Variants in LRP1B observed in about 807,000 individuals in gnomAD.
LRP1B encodes low-density lipoprotein receptor-related protein 1B.
In LRP1B, 217 loss-of-function variants were observed where a neutral mutation model predicts 556.6. The ratio of observed to expected loss-of-function variants is 0.39; its 90% CI spans 0.35 to 0.44. The LOEUF (loss-of-function observed/expected upper bound fraction) is 0.44. Among genes scored for constraint, LRP1B ranks in the 20% least tolerant of loss-of-function variants. LRP1B has a pLI of 1.00. For missense variants in LRP1B, 5,053 were observed against 5,620.8 expected (o/e 0.90, Z 3.23); for synonymous variants, 2,047 against 1,865.8 (o/e 1.10, Z -2.50).
intron 1 of LRP1B, among the ~76,000 whole-genome samples, chr2:141,987,150 C>T (rs1194897856): frequency 8.1e-5 from 3 of 37,064 alleles, no homozygotes; most frequent in African/African-American, 2.1e-4. Flanking sequence ...AAAGATAATA[C>T]ATTTTGGTTT....
chr2:140,389,854 G>A (rs527675484), intron 66 of LRP1B, among the ~76,000 whole-genome samples: 11 of 151,656 alleles, frequency 7.3e-5, no homozygotes, highest in Admixed American at 3.3e-4. Flanking sequence ...AAGGCTGGGC[G>A]TGGTGGTGGC....
chr2:141,926,161 T>C (rs1243573394), intron 1 of LRP1B, among the ~76,000 whole-genome samples: 2 of 152,168 alleles, frequency 1.3e-5, no homozygotes, highest in Non-Finnish European at 2.9e-5. Flanking sequence ...AGAAAATAAA[T>C]ACATGAAGAG....
At chr2:141,603,218 G>A (rs558497921) in intron 2 of LRP1B, among the ~76,000 whole-genome samples, 2 of 152,236 alleles carry the variant, frequency 1.3e-5, no homozygotes, top group East Asian at 1.9e-4. Flanking sequence ...CTTTCACATT[G>A]GAAGGCAAGA....
chr2:141,810,046 T>G (rs959638281), intron 2 of LRP1B, among the ~76,000 whole-genome samples: 3 of 147,616 alleles, frequency 2.0e-5, no homozygotes, highest in African/African-American at 5.0e-5. Flanking sequence ...TACTCATATT[T>G]AAAAAAAAAC....
intron 50 of LRP1B, among the ~76,000 whole-genome samples, chr2:140,515,649 A>G (rs933437926): frequency 3.3e-5 from 5 of 152,064 alleles, no homozygotes; most frequent in South Asian, 2.1e-4. Flanking sequence ...AACAGAGAAC[A>G]TTAGAAAACT....
At chr2:141,213,665 A>G (rs1046748143) in intron 6 of LRP1B, among the ~76,000 whole-genome samples, 1 of 152,168 alleles carries the variant, frequency 6.6e-6, no homozygotes, top group South Asian at 2.1e-4. Context: ...ATGACACCAC[A>G]TTATCTGAGG....
intron 3 of LRP1B, among the ~76,000 whole-genome samples, chr2:141,339,914 T>G (rs1285691556): frequency 6.6e-6 from 1 of 152,132 alleles, no homozygotes; most frequent in East Asian, 1.9e-4. Context: ...TAGGTAATTT[T>G]TCAGCTTTCA....
chr2:141,152,694 A>G (rs1701954400), intron 7 of LRP1B, among the ~76,000 whole-genome samples: 1 of 151,862 alleles, frequency 6.6e-6, no homozygotes, highest in Non-Finnish European at 1.5e-5. Flanking sequence ...AATAGCATAT[A>G]TTATTATATA....
intron 62 of LRP1B, among the ~76,000 whole-genome samples, chr2:140,454,010 A>G (rs1198738821): frequency 6.6e-6 from 1 of 152,226 alleles, no homozygotes; most frequent in Non-Finnish European, 1.5e-5. Flanking sequence ...TCCAAGAAGT[A>G]TACAAGAGAT....
At chr2:140,856,510 C>T (rs2105131679) in intron 27 of LRP1B, among the ~76,000 whole-genome samples, 1 of 152,196 alleles carries the variant, frequency 6.6e-6, no homozygotes, top group South Asian at 2.1e-4. Context: ...CTATTAAAGG[C>T]CAGATGGTAG....
At chr2:141,538,924 C>A (rs1395945996) in intron 2 of LRP1B, among the ~76,000 whole-genome samples, 1 of 152,182 alleles carries the variant, frequency 6.6e-6, no homozygotes, top group Non-Finnish European at 1.5e-5. Flanking sequence ...CAGGTGTGAG[C>A]CACTGTCCCT....
intron 2 of LRP1B, among the ~76,000 whole-genome samples, chr2:141,770,831 A>T (rs866584171): frequency 6.6e-6 from 1 of 152,162 alleles, no homozygotes; most frequent in South Asian, 2.1e-4. Context: ...TTGCCTGTTA[A>T]TAAGGTGGAC....
Position 141,013,636 on chromosome 2 carries a change from A to C in LRP1B, c.2300T>G (p.Ile767Arg). The change falls in exon 14 of 91, where the codon ATA becomes AGA. Residue 767 changes from isoleucine to arginine, a missense_variant. This residue lies in a region of LRP1B where 3,619 missense variants were observed against 3,931.9 expected (regional missense o/e 0.92). Coordinates refer to ENST00000389484, the MANE Select transcript of LRP1B (RefSeq NM_018557.3). ...CCTCAGCAATGTCACCTCACTTGTT[A>C]TCAAATCTAGTTGAAAAATGGAACC... ...MNGSIFQLDLITSEVTLLRHE... is the reference protein window; with the variant it reads ...MNGSIFQLDLRTSEVTLLRHE... 2.5e-6 allele frequency: 4 copies of C among 1,612,660 alleles called. No homozygotes were observed. The highest frequency in any genetic ancestry group is 2.2e-5 in the East Asian group (1 of 44,704).
rs899194277 is a variant in LRP1B, at chr2:141,314,967, C to T, written c.344-60326G>A. ...TCTTCAATAAATTTAAGCCTCTCCC[C>T]GCAAGAGCCTAAGAATTAAACATTA... is the stretch of plus-strand genomic sequence containing the variant. On this transcript the variant is annotated intron_variant, in intron 3 of 90. Coordinates refer to ENST00000389484, the MANE Select transcript of LRP1B (RefSeq NM_018557.3). Among the ~76,000 whole-genome samples the T allele has an allele frequency of 5.4e-5, 8 of 147,590 alleles. No individual in the cohort carries two copies. In the East Asian group the frequency reaches 1.2e-3, roughly 22 times the overall value.
At chr2:141,887,255 C>T (rs773305472) in intron 1 of LRP1B, among the ~76,000 whole-genome samples, 14 of 152,176 alleles carry the variant, frequency 9.2e-5, no homozygotes, top group Non-Finnish European at 1.3e-4. Context: ...CTTGGGCTCC[C>T]GAAGTGCTGG....
chr2:141,186,527 A>T (rs1681267420), intron 7 of LRP1B, among the ~76,000 whole-genome samples: 1 of 152,212 alleles, frequency 6.6e-6, no homozygotes, highest in East Asian at 1.9e-4. Context: ...TATTTATAAA[A>T]GAGTTGAGCA....
intron 41 of LRP1B, among the ~76,000 whole-genome samples, chr2:140,647,371 T>A (rs1346687752): frequency 6.6e-6 from 1 of 152,230 alleles, no homozygotes. Flanking sequence ...TTATATATTT[T>A]AATAACATCT....
rs2104881819 is a variant in LRP1B at position 140,238,261 on chromosome 2, C to T, written c.13451G>A (p.Gly4484Glu). The stretch of plus-strand genomic sequence containing the variant: ...ATTGCCAATTTCTACATTTATTCCT[C>T]CATTGATAATAGGTTGTCTTCTAAT... ...KTIRRQPIIN[G>E]GINVEIGNPS... The change falls in exon 89 of 91, where the codon GGA becomes GAA. Residue 4484 changes from glycine to glutamate, a missense_variant. By Grantham distance (98) the Gly-to-Glu change is moderately conservative (BLOSUM62 -2). This residue lies in a region of LRP1B where 551 missense variants were observed against 592.0 expected (regional missense o/e 0.93). Transcript: ENST00000389484. The T allele has an allele frequency of 6.4e-7, 1 of 1,562,728 alleles. No homozygotes were observed. The highest frequency in any genetic ancestry group is 8.8e-7 in the Non-Finnish European group (1 of 1,136,084).
chr2:141,170,383 G>A (rs1049504323), intron 7 of LRP1B, among the ~76,000 whole-genome samples: 1 of 152,026 alleles, frequency 6.6e-6, no homozygotes, highest in African/African-American at 2.4e-5. Context: ...GGGGATACTG[G>A]TACTTTCTAA....
Sources: allele counts gnomAD v4.1 joint callset (sites outside exome capture counted in the v4.1 genomes callset), GRCh38; gene constraint gnomAD v4.1.1; regional missense constraint gnomAD v4.1.1; transcripts MANE v1.5; gene names NCBI Gene and HGNC (gene_info 2026-07-23, HGNC 2026-07-21).